The following RBFOX1 variants were observed in gnomAD, a reference collection of about 807,000 sequenced individuals.
RBFOX1 encodes RNA binding protein fox-1 homolog 1.
A neutral mutation model predicts 57.7 loss-of-function variants in RBFOX1; 8 were observed. That is an observed-to-expected ratio of 0.14 (90% confidence interval 0.08 to 0.25). RBFOX1 has a LOEUF of 0.25. Among genes scored for constraint, RBFOX1 ranks in the 10% least tolerant of loss-of-function variants. RBFOX1 has a pLI of 1.00. For missense variants in RBFOX1, 611 were observed against 548.5 expected (o/e 1.11, Z -1.14); for synonymous variants, 326 against 222.4 (o/e 1.47, Z -4.15).
chr16:6,211,438 C>T (rs993461354), intron 1 of RBFOX1, among the ~76,000 whole-genome samples: 3 of 151,978 alleles, frequency 2.0e-5, no homozygotes, highest in Non-Finnish European at 2.9e-5. Flanking sequence ...TCGTGTTAGC[C>T]AGGATGGTCT....
intron 5 of RBFOX1, among the ~76,000 whole-genome samples, chr16:7,531,057 C>G (rs141687749): frequency 3.9e-5 from 6 of 152,258 alleles, no homozygotes; most frequent in Admixed American, 1.3e-4. Context: ...CAAAACAAAC[C>G]AGACCATCAG....
In RBFOX1 at chr16:6,046,943, C is replaced by T. The variant is rs185682704; in HGVS notation, c.-127+26951C>T. Among the ~76,000 whole-genome samples, 98 of 152,134 alleles carry T rather than the reference C, an allele frequency of 6.4e-4. 1 individual carries two copies. The South Asian group carries it at 9.1e-3, about 14-fold the overall frequency. ...GGCCAGATGTCTAAGTATATGGTAA[C>T]GGAGTTAATGGATGTTGGGGAAGAA... On this transcript the variant is annotated intron_variant, in intron 1 of 15. Coordinates refer to ENST00000550418, the MANE Select transcript of RBFOX1 (RefSeq NM_018723.4).
intron 1 of RBFOX1, among the ~76,000 whole-genome samples, chr16:5,419,717 A>T (rs1219698486): frequency 2.0e-5 from 3 of 152,010 alleles, no homozygotes; most frequent in Non-Finnish European, 2.9e-5. Flanking sequence ...AGTGAGCCTC[A>T]TCTGAACACA....
intron 4 of RBFOX1, among the ~76,000 whole-genome samples, chr16:7,401,365 G>A (rs2098240334): frequency 6.6e-6 from 1 of 152,174 alleles, no homozygotes; most frequent in South Asian, 2.1e-4. Flanking sequence ...TTTAGCAGTT[G>A]TTCCAGACTT....
chr16:5,669,489 G>C (rs113846794), intron 3 of RBFOX1, among the ~76,000 whole-genome samples: 2 of 129,368 alleles, frequency 1.5e-5, no homozygotes, highest in Non-Finnish European at 3.1e-5. Context: ...GCACTATCTT[G>C]GCTCACTGCA....
At chr16:7,090,116 T>G (rs2060583115) in intron 4 of RBFOX1, among the ~76,000 whole-genome samples, 1 of 152,182 alleles carries the variant, frequency 6.6e-6, no homozygotes, top group African/African-American at 2.4e-5. Context: ...ATATCTCTGT[T>G]TAAGAGCTCA....
At chr16:5,934,475 A>G (rs753489847) in intron 4 of RBFOX1, among the ~76,000 whole-genome samples, 3 of 152,238 alleles carry the variant, frequency 2.0e-5, no homozygotes, top group Admixed American at 1.3e-4. Context: ...TATGAGGTGA[A>G]TTACAAGACA....
At chr16:6,919,323 C>G (rs959365863) in intron 3 of RBFOX1, among the ~76,000 whole-genome samples, 4 of 152,112 alleles carry the variant, frequency 2.6e-5, no homozygotes, top group African/African-American at 7.2e-5. Context: ...TCCTATTTAT[C>G]CTGTTTACAT....
chr16:5,314,322 T>G (rs1171878104), intron 1 of RBFOX1, among the ~76,000 whole-genome samples: 1 of 152,060 alleles, frequency 6.6e-6, no homozygotes, highest in Non-Finnish European at 1.5e-5. Flanking sequence ...ATGTGGAGTG[T>G]GGAGAGGGGG....
chr16:5,268,710 C>G (rs1230541253), intron 1 of RBFOX1, among the ~76,000 whole-genome samples: 2 of 152,212 alleles, frequency 1.3e-5, no homozygotes, highest in African/African-American at 4.8e-5. Context: ...TGCCAAGTAC[C>G]CATAGTTCAT....
chr16:7,008,482 G>T (rs944366715), intron 3 of RBFOX1, among the ~76,000 whole-genome samples: 1 of 152,088 alleles, frequency 6.6e-6, no homozygotes, highest in Non-Finnish European at 1.5e-5. Context: ...AAAGGTTGCA[G>T]TGATCTGAGA....
chr16:5,478,218 G>T (rs1018448140), intron 2 of RBFOX1, among the ~76,000 whole-genome samples: 2 of 152,130 alleles, frequency 1.3e-5, no homozygotes, highest in African/African-American at 4.8e-5. Context: ...ATTTAGGTTA[G>T]ACTAGCGAAG....
At chr16:6,010,525 C>T (rs992541389) in intron 4 of RBFOX1, among the ~76,000 whole-genome samples, 1 of 152,230 alleles carries the variant, frequency 6.6e-6, no homozygotes, top group Admixed American at 6.5e-5. Context: ...TGTTTCCTGG[C>T]TTCACCTCCC....
rs750342737 is a variant in RBFOX1 at position 7,579,809 on chromosome 16, G to A, written c.303G>A (p.Gln101=). The change falls in exon 6 of 16, where the codon CAG becomes CAA. Residue 101 remains glutamine, a synonymous_variant. Coordinates refer to ENST00000550418, the MANE Select transcript of RBFOX1 (RefSeq NM_018723.4). The part of the protein sequence containing the change: ...QTDDAAPTDG[Q]PQTQPSENTE... The stretch of plus-strand genomic sequence containing the variant: ...ATGACGCAGCACCGACGGATGGCCA[G>A]CCCCAGACACAACCTTCTGAAAACA... 9.3e-6 allele frequency: 15 copies of A among 1,613,984 alleles called. No homozygotes were observed. Among genetic ancestry groups the A allele is most frequent in the African/African-American group, 4.0e-5 (3 of 74,914 alleles).
At chr16:5,575,240 T>C (rs945663344) in intron 2 of RBFOX1, among the ~76,000 whole-genome samples, 5 of 152,228 alleles carry the variant, frequency 3.3e-5, no homozygotes, top group African/African-American at 1.2e-4. Context: ...AAATCAGGTA[T>C]TAAGGAATGG....
chr16:6,658,276 C>G (rs1445547647), intron 3 of RBFOX1, among the ~76,000 whole-genome samples: 3 of 151,072 alleles, frequency 2.0e-5, no homozygotes, highest in Non-Finnish European at 4.4e-5. Context: ...CCCTCTGTCT[C>G]AAATCTGGAT....
chr16:7,645,321 T>C (rs1005915396), intron 11 of RBFOX1, among the ~76,000 whole-genome samples: 9 of 152,188 alleles, frequency 5.9e-5, no homozygotes, highest in Non-Finnish European at 1.0e-4. Flanking sequence ...TGTGTCAATT[T>C]CCTCGTGCCA....
intron 1 of RBFOX1, among the ~76,000 whole-genome samples, chr16:5,420,982 C>CTCCTCCTT (rs2067307728): frequency 3.4e-5 from 4 of 117,990 alleles, no homozygotes; most frequent in African/African-American, 1.7e-4. Flanking sequence ...CTCCTTCTTC[C>CTCCTCCTT]CTTCCTCCTC....
At chr16:6,332,011 A>G (rs2083097074) in intron 2 of RBFOX1, among the ~76,000 whole-genome samples, 1 of 152,184 alleles carries the variant, frequency 6.6e-6, no homozygotes, top group African/African-American at 2.4e-5. Flanking sequence ...GAAACAAGCG[A>G]TGCCTGCAGG....
Sources: allele counts gnomAD v4.1 joint callset (sites outside exome capture counted in the v4.1 genomes callset), GRCh38; gene constraint gnomAD v4.1.1; transcripts MANE v1.5; gene names NCBI Gene and HGNC (gene_info 2026-07-23, HGNC 2026-07-21).